WWOX: variants seen among roughly 807,000 people sequenced by gnomAD.
WWOX encodes WW domain-containing oxidoreductase.
WWOX carries 69 observed loss-of-function variants against 46.2 expected under a neutral mutation model. The observed-to-expected ratio is 1.49, with a 90% CI of 1.23 to 1.82. The LOEUF (loss-of-function observed/expected upper bound fraction) is 1.82. WWOX is among the 40% of genes most tolerant of loss of function. The pLI is 0.00. For synonymous variants in WWOX, 359 were observed against 202.6 expected, an observed-to-expected ratio of 1.77 and a Z score of -6.56; for missense variants, 919 against 542.6, an observed-to-expected ratio of 1.69 and a Z score of -6.89.
At chr16:79,049,439 T>C (rs1451368752) in intron 8 of WWOX, among the ~76,000 whole-genome samples, 5 of 152,194 alleles carry the variant, frequency 3.3e-5, no homozygotes, top group Non-Finnish European at 7.3e-5. Context: ...GGCATCGATA[T>C]TCTGGTACAG....
In WWOX at chr16:78,563,608, C is replaced by G. The variant is rs143224744; in HGVS notation, c.1056+130856C>G. Among the ~76,000 whole-genome samples, 1,267 of 150,904 alleles carry G rather than the reference C, an allele frequency of 8.4e-3. 31 individuals are homozygous for G. Among genetic ancestry groups the G allele is most frequent in the Admixed American group, 0.032 (488 of 15,102 alleles). On this transcript the variant is annotated intron_variant, in intron 8 of 8. Transcript: ENST00000566780. ...CCAAATGCCTTTTAGGAAGCTACCT[C>G]TCTTCCACCCTGCTGCCTTTGTGTT...
intron 5 of WWOX, among the ~76,000 whole-genome samples, chr16:78,188,699 G>T (rs1216605235): frequency 6.6e-6 from 1 of 152,006 alleles, no homozygotes; most frequent in African/African-American, 2.4e-5. Flanking sequence ...GATGACCCAG[G>T]CTGGAAAACC....
intron 5 of WWOX, among the ~76,000 whole-genome samples, chr16:78,234,321 A>G (rs2037366998): frequency 1.3e-5 from 2 of 152,114 alleles, no homozygotes; most frequent in Admixed American, 6.5e-5. Flanking sequence ...TTTAAAATCA[A>G]TTCCTCCCTG....
intron 8 of WWOX, among the ~76,000 whole-genome samples, chr16:78,590,879 GACA>G (rs1204475909): frequency 6.6e-6 from 1 of 152,164 alleles, no homozygotes; most frequent in Non-Finnish European, 1.5e-5. Flanking sequence ...CCAGCGTTTA[GACA>G]ACACCAGCTG....
intron 8 of WWOX, among the ~76,000 whole-genome samples, chr16:79,145,491 C>T (rs1026140075): frequency 1.3e-5 from 2 of 152,132 alleles, no homozygotes; most frequent in African/African-American, 4.8e-5. Flanking sequence ...TATGAGCCAC[C>T]GCATCCAGCC....
At chr16:78,509,065 A>G (rs2085291384) in intron 8 of WWOX, among the ~76,000 whole-genome samples, 1 of 152,256 alleles carries the variant, frequency 6.6e-6, no homozygotes, top group African/African-American at 2.4e-5. Flanking sequence ...GCCCTTGCAC[A>G]GTGGGCACTG....
intron 8 of WWOX, among the ~76,000 whole-genome samples, chr16:79,199,499 A>T (rs1016364446): frequency 2.0e-5 from 3 of 152,172 alleles, no homozygotes; most frequent in African/African-American, 7.2e-5. Flanking sequence ...ACAAAATCAA[A>T]ACTGCATCAT....
intron 8 of WWOX, among the ~76,000 whole-genome samples, chr16:78,947,297 G>A (rs547482551): frequency 2.1e-3 from 319 of 152,276 alleles, no homozygotes; most frequent in African/African-American, 7.1e-3. Flanking sequence ...TCTGCCTGAA[G>A]CAATAAAGGC....
At chr16:78,584,990 G>C (rs1269774231) in intron 8 of WWOX, among the ~76,000 whole-genome samples, 1 of 152,220 alleles carries the variant, frequency 6.6e-6, no homozygotes, top group East Asian at 1.9e-4. Context: ...GTGCCAAAGA[G>C]GCAGAAAGGC....
At chr16:78,637,303 A>C (rs934322841) in intron 8 of WWOX, among the ~76,000 whole-genome samples, 7 of 152,052 alleles carry the variant, frequency 4.6e-5, no homozygotes, top group African/African-American at 1.7e-4. Flanking sequence ...TTAGCTGGGC[A>C]TGGTGGTGGG....
rs553600672 is a variant in WWOX, at chr16:78,750,772, G to T, written c.1056+318020G>T. On this transcript the variant is annotated intron_variant, in intron 8 of 8. Coordinates refer to ENST00000566780, the MANE Select transcript of WWOX (RefSeq NM_016373.4). ...TGGTTTTCTGTTTCTGCATTTATTC[G>T]CTCAGGATAATGGCTTCAAGCTGTA... 2.0e-5 allele frequency among the ~76,000 whole-genome samples: 3 copies of T among 152,186 alleles called. No individual in the cohort carries two copies. The East Asian group carries it at 5.8e-4, about 29-fold the overall frequency.
intron 8 of WWOX, among the ~76,000 whole-genome samples, chr16:78,541,926 T>C (rs1387996701): frequency 7.0e-6 from 1 of 143,388 alleles, no homozygotes; most frequent in Non-Finnish European, 1.5e-5. Flanking sequence ...GTTTTGTTTG[T>C]AAGAATCAGT....
At chr16:78,906,236 A>G (rs1167473682) in intron 8 of WWOX, among the ~76,000 whole-genome samples, 3 of 152,180 alleles carry the variant, frequency 2.0e-5, no homozygotes, top group Non-Finnish European at 2.9e-5. Context: ...TGAGATAGCC[A>G]TGCTGTTTTG....
chr16:78,789,514 G>A (rs12599271), intron 8 of WWOX, among the ~76,000 whole-genome samples: 54,203 of 151,908 alleles, frequency 0.36, 10,147 homozygotes, highest in East Asian at 0.5. Flanking sequence ...CTGTATGCCT[G>A]TCCTTATGCC....
chr16:78,409,461 A>C (rs972018970), intron 6 of WWOX, among the ~76,000 whole-genome samples: 1 of 152,094 alleles, frequency 6.6e-6, no homozygotes, highest in Non-Finnish European at 1.5e-5. Context: ...AAACAGAAAT[A>C]TTCTGGGTGT....
At chr16:78,241,890 G>A (rs552047628) in intron 5 of WWOX, among the ~76,000 whole-genome samples, 1 of 152,260 alleles carries the variant, frequency 6.6e-6, no homozygotes, top group East Asian at 1.9e-4. Context: ...GCCTGGCAGC[G>A]TCACGTAGTA....
intron 8 of WWOX, among the ~76,000 whole-genome samples, chr16:78,684,565 C>T (rs925984619): frequency 2.6e-5 from 4 of 152,154 alleles, no homozygotes; most frequent in Non-Finnish European, 4.4e-5. Context: ...GGCTGTGCCT[C>T]ACAGCTGCAA....
At chr16:78,899,881 A>G (rs772765750) in intron 8 of WWOX, among the ~76,000 whole-genome samples, 1 of 152,184 alleles carries the variant, frequency 6.6e-6, no homozygotes, top group Non-Finnish European at 1.5e-5. Context: ...AATACAGCCC[A>G]TTAACACTTG....
intron 8 of WWOX, among the ~76,000 whole-genome samples, chr16:78,799,599 T>C (rs1440502113): frequency 2.3e-5 from 3 of 129,104 alleles, no homozygotes; most frequent in Non-Finnish European, 4.8e-5. Flanking sequence ...CCGAGGGACT[T>C]GGCCAAGGTC....
Sources: allele counts gnomAD v4.1 joint callset (sites outside exome capture counted in the v4.1 genomes callset), GRCh38; gene constraint gnomAD v4.1.1; transcripts MANE v1.5; gene names NCBI Gene and HGNC (gene_info 2026-07-23, HGNC 2026-07-21).